The following PDGFD variants were observed in gnomAD, a reference collection of about 807,000 sequenced individuals.
The protein encoded by PDGFD is platelet-derived growth factor D.
Under a neutral mutation model 44.7 loss-of-function variants are expected in PDGFD, and 30 were observed. That is an observed-to-expected ratio of 0.67 (90% CI 0.50 to 0.91). The LOEUF is 0.91. PDGFD is among the 40% of genes least tolerant of loss of function. The probability of loss-of-function intolerance (pLI) is 0.00; values close to 1 mark genes in which losing one functional copy is unlikely to be tolerated. For synonymous variants in PDGFD, 173 were observed against 168.4 expected, an observed-to-expected ratio of 1.03 and a Z score of -0.21; for missense variants, 445 against 457.8, an observed-to-expected ratio of 0.97 and a Z score of 0.25.
Position 104,163,763 on chromosome 11 carries a change from A to G in PDGFD, c.124+41T>C, listed in dbSNP as rs773102916. The G allele has an allele frequency of 2.7e-6, 4 of 1,501,316 alleles. No individual in the cohort carries two copies. The East Asian group carries it at 9.3e-5, about 35-fold the overall frequency. 93.0% of individuals were successfully genotyped at this position (1,501,316 alleles called of 1,614,324 possible). A position where few individuals can be genotyped will look rare whatever the true frequency, so the allele number is the denominator to read the frequency against. ...AGAAAGAACAATAACAATAGCAAAC[A>G]TGATTTTTTTTTCAGTTAAAAAATA... On this transcript the variant is annotated intron_variant, in intron 1 of 6. Coordinates refer to ENST00000393158, the MANE Select transcript of PDGFD (RefSeq NM_025208.5).
At chr11:103,935,718 G>A (rs1454973585) in intron 5 of PDGFD, among the ~76,000 whole-genome samples, 1 of 152,168 alleles carries the variant, frequency 6.6e-6, no homozygotes, top group Non-Finnish European at 1.5e-5. Flanking sequence ...TCTTGGTTCT[G>A]TGCAGAGTTT....
chr11:104,027,421 C>G (rs1169982126), intron 1 of PDGFD, among the ~76,000 whole-genome samples: 1 of 152,210 alleles, frequency 6.6e-6, no homozygotes, highest in Non-Finnish European at 1.5e-5. Context: ...AAATGACATA[C>G]TTTGGTAGAG....
At position 104,092,467 on chromosome 11, in the gene PDGFD, T is replaced by C. The variant is rs552777856; in HGVS notation, c.124+71337A>G. Among the ~76,000 whole-genome samples, 14 of 152,192 alleles carry C rather than the reference T, an allele frequency of 9.2e-5. No individual in the cohort carries two copies. The East Asian group carries it at 2.7e-3, about 29-fold the overall frequency. On this transcript the variant is annotated intron_variant, in intron 1 of 6. Transcript: ENST00000393158. The stretch of plus-strand genomic sequence containing the variant: ...TATCTCAAATCTCTACATACAACAA[T>C]AGCAAAACAGACTGCAAATATGACC...
At chr11:103,917,872 G>C (rs1858151880) in intron 6 of PDGFD, among the ~76,000 whole-genome samples, 1 of 152,128 alleles carries the variant, frequency 6.6e-6, no homozygotes, top group Non-Finnish European at 1.5e-5. Flanking sequence ...TGCTTTGCTT[G>C]AACTTTTGTC....
At chr11:104,008,312 T>C (rs1323361991) in intron 1 of PDGFD, among the ~76,000 whole-genome samples, 14 of 150,452 alleles carry the variant, frequency 9.3e-5, no homozygotes, top group Non-Finnish European at 3.0e-5. Context: ...GAAAATAAAA[T>C]CTCAAATCTC....
intron 3 of PDGFD, among the ~76,000 whole-genome samples, chr11:103,991,614 C>T (rs1407940142): frequency 6.6e-6 from 1 of 152,084 alleles, no homozygotes; most frequent in Non-Finnish European, 1.5e-5. Flanking sequence ...AATGACTTGA[C>T]TTTTTATTTT....
At chr11:103,969,487 T>TTTG (rs1297742795) in intron 3 of PDGFD, among the ~76,000 whole-genome samples, 3 of 148,530 alleles carry the variant, frequency 2.0e-5, no homozygotes, top group African/African-American at 7.4e-5. Flanking sequence ...TTTTTTTTTT[T>TTTG]TTTTTTTTTT....
intron 1 of PDGFD, among the ~76,000 whole-genome samples, chr11:104,105,371 G>T (rs529193087): frequency 6.6e-6 from 1 of 152,116 alleles, no homozygotes; most frequent in South Asian, 2.1e-4. Context: ...TAACCAAGTC[G>T]CAGGCACAAA....
At chr11:104,010,026 T>G (rs1312442836) in intron 1 of PDGFD, among the ~76,000 whole-genome samples, 2 of 152,148 alleles carry the variant, frequency 1.3e-5, no homozygotes, top group Non-Finnish European at 2.9e-5. Context: ...GCTCAGTCTA[T>G]GGCCTGCCAT....
intron 3 of PDGFD, among the ~76,000 whole-genome samples, chr11:103,985,625 T>C (rs1859351126): frequency 6.7e-6 from 1 of 150,054 alleles, no homozygotes; most frequent in African/African-American, 2.5e-5. Context: ...CTGAGGTGAC[T>C]AGGTTATCAG....
chr11:104,006,698 A>G (rs968867006), intron 1 of PDGFD, among the ~76,000 whole-genome samples: 5 of 152,224 alleles, frequency 3.3e-5, no homozygotes, highest in Non-Finnish European at 7.3e-5. Flanking sequence ...AGAGAAGAGA[A>G]GGAGCATCTG....
At chr11:104,101,546 T>C (rs1337890805) in intron 1 of PDGFD, among the ~76,000 whole-genome samples, 2 of 152,148 alleles carry the variant, frequency 1.3e-5, no homozygotes, top group African/African-American at 4.8e-5. Context: ...AAGCTACCAA[T>C]GACTTTCTTC....
intron 1 of PDGFD, among the ~76,000 whole-genome samples, chr11:104,071,024 C>A (rs1860866615): frequency 6.6e-6 from 1 of 151,982 alleles, no homozygotes; most frequent in African/African-American, 2.4e-5. Context: ...CATGAAAATG[C>A]CTGCTCCCTC....
chr11:103,983,278 T>C (rs2134352909), intron 3 of PDGFD, among the ~76,000 whole-genome samples: 1 of 151,710 alleles, frequency 6.6e-6, no homozygotes, highest in South Asian at 2.1e-4. Context: ...CACCTACAAC[T>C]ATCTGATCTT....
At chr11:104,034,123 C>A (rs1378770998) in intron 1 of PDGFD, among the ~76,000 whole-genome samples, 1 of 152,162 alleles carries the variant, frequency 6.6e-6, no homozygotes. Flanking sequence ...AGGATGTCTT[C>A]TCTCCCCAAC....
At chr11:103,984,033 C>A (rs1027481115) in intron 3 of PDGFD, among the ~76,000 whole-genome samples, 1 of 151,572 alleles carries the variant, frequency 6.6e-6, no homozygotes, top group East Asian at 1.9e-4. Context: ...ATATTAATCC[C>A]ACTCAACTCA....
At position 104,163,690 on chromosome 11, in the gene PDGFD, T is replaced by G. The variant is rs1449984045; in HGVS notation, c.124+114A>C. ...GAGACCTCCCTCCCCAAACAATGCA[T>G]TCAGCCCGAGTTCACATTCAAGATT... is the stretch of plus-strand genomic sequence containing the variant. On this transcript the variant is annotated intron_variant, in intron 1 of 6. Coordinates refer to ENST00000393158, the MANE Select transcript of PDGFD (RefSeq NM_025208.5). 3 of 1,288,350 alleles carry G rather than the reference T, an allele frequency of 2.3e-6. No individual in the cohort carries two copies. The Admixed American group carries it at 7.8e-5, about 34-fold the overall frequency. The allele number at this position is 1,288,350 out of a possible 1,614,324, so 79.8% of individuals were successfully genotyped here.
intron 1 of PDGFD, among the ~76,000 whole-genome samples, chr11:104,117,092 A>C (rs1861653363): frequency 6.6e-6 from 1 of 152,066 alleles, no homozygotes; most frequent in African/African-American, 2.4e-5. Context: ...CAAGTCAATC[A>C]ATGTGATACA....
At chr11:104,050,562 G>A (rs1286275803) in intron 1 of PDGFD, among the ~76,000 whole-genome samples, 1 of 152,036 alleles carries the variant, frequency 6.6e-6, no homozygotes, top group Non-Finnish European at 1.5e-5. Flanking sequence ...TACACCCTTG[G>A]GCAAGGCACC....
Sources: allele counts gnomAD v4.1 joint callset (sites outside exome capture counted in the v4.1 genomes callset), GRCh38; gene constraint gnomAD v4.1.1; transcripts MANE v1.5; gene names NCBI Gene and HGNC (gene_info 2026-07-23, HGNC 2026-07-21).